Variants in RPH3A observed in about 807,000 individuals in gnomAD.
RPH3A encodes the protein rabphilin-3A.
RPH3A carries 48 observed loss-of-function variants against 102.2 expected under a neutral mutation model. The ratio of observed to expected loss-of-function variants is 0.47; its 90% CI spans 0.37 to 0.60. The LOEUF (loss-of-function observed/expected upper bound fraction) is 0.60, where lower values mean the gene tolerates loss of function less well. Among genes scored for constraint, RPH3A ranks in the 20% least tolerant of loss-of-function variants. The pLI is 0.00. For missense variants in RPH3A, 781 were observed against 910.1 expected (o/e 0.86, Z 1.83); for synonymous variants, 310 against 324.3 (o/e 0.96, Z 0.47).
At chr12:112,894,492 C>T in intron 19 of RPH3A, 86 bp from the exon 20 acceptor site, 1 of 1,133,204 alleles carries the variant, frequency 8.8e-7, no homozygotes, top group East Asian at 2.4e-5. Flanking sequence ...ATCAATTCAC[C>T]CTGATAAAGA....
At chr12:112,601,445 T>C (rs1235284182) in intron 1 of RPH3A, among the ~76,000 whole-genome samples, 1 of 152,212 alleles carries the variant, frequency 6.6e-6, no homozygotes, top group African/African-American at 2.4e-5. Flanking sequence ...AAAGTGGATT[T>C]GTACATTATA....
At chr12:112,759,097 A>G (rs780846328) in intron 1 of RPH3A, among the ~76,000 whole-genome samples, 2 of 152,216 alleles carry the variant, frequency 1.3e-5, no homozygotes, top group African/African-American at 2.4e-5. Context: ...TCAATTGAAC[A>G]CATGTGTGAT....
At chr12:112,832,575 C>T (rs1042262355) in intron 3 of RPH3A, among the ~76,000 whole-genome samples, 1 of 152,178 alleles carries the variant, frequency 6.6e-6, no homozygotes, top group African/African-American at 2.4e-5. Context: ...GGAACTGTGG[C>T]TCACACCTAT....
In RPH3A at chr12:112,802,843, G is replaced by T. The variant is rs182949668; in HGVS notation, c.-19+10580G>T. The stretch of plus-strand genomic sequence containing the variant: ...CCCCAGGGCCTCTGTCCTCTCCCCA[G>T]GGCCTCTGTCCTCTCCCCAGAGCCT... On this transcript the variant is annotated intron_variant, in intron 2 of 21. Transcript: ENST00000389385. Among the ~76,000 whole-genome samples, 730 of 152,186 alleles carry T rather than the reference G, an allele frequency of 4.8e-3. 3 individuals are homozygous for T. Among genetic ancestry groups the T allele is most frequent in the Non-Finnish European group, 7.5e-3 (509 of 67,998 alleles).
intron 4 of RPH3A, among the ~76,000 whole-genome samples, chr12:112,840,876 G>A (rs771923328): frequency 5.3e-5 from 8 of 152,086 alleles, no homozygotes; most frequent in South Asian, 2.1e-4. Context: ...ATTAGCCAGC[G>A]GTAGACAGGC....
intron 2 of RPH3A, among the ~76,000 whole-genome samples, chr12:112,816,682 G>A (rs1288511610): frequency 4.6e-5 from 7 of 151,060 alleles, no homozygotes; most frequent in Admixed American, 4.6e-4. Flanking sequence ...AATGACCCAC[G>A]CTTGAGAATT....
chr12:112,860,944 G>A (rs533510102), intron 5 of RPH3A, among the ~76,000 whole-genome samples: 5 of 152,270 alleles, frequency 3.3e-5, no homozygotes, highest in Admixed American at 1.3e-4. Context: ...ATAATTCTAT[G>A]GCATTGAAAG....
intron 2 of RPH3A, among the ~76,000 whole-genome samples, chr12:112,825,773 A>G (rs890007784): frequency 6.6e-6 from 1 of 152,200 alleles, no homozygotes; most frequent in Non-Finnish European, 1.5e-5. Flanking sequence ...TTCAAGCTCT[A>G]AGCAAAGACA....
At chr12:112,864,864 G>T (rs186868840) in intron 5 of RPH3A, among the ~76,000 whole-genome samples, 3 of 152,120 alleles carry the variant, frequency 2.0e-5, no homozygotes, top group Non-Finnish European at 4.4e-5. Flanking sequence ...CAAAGAATTC[G>T]GTTGGGTCAT....
intron 2 of RPH3A, among the ~76,000 whole-genome samples, chr12:112,817,309 A>C (rs2041692404): frequency 6.6e-6 from 1 of 151,572 alleles, no homozygotes. Context: ...GGGTCTTTCT[A>C]TTCCCAAAAT....
chr12:112,735,441 A>C (rs2040662496), intron 1 of RPH3A, among the ~76,000 whole-genome samples: 1 of 152,172 alleles, frequency 6.6e-6, no homozygotes, highest in African/African-American at 2.4e-5. Context: ...CCCTCATTAA[A>C]CCTAGCAGAA....
At position 112,897,370 on chromosome 12, in the gene RPH3A, C is replaced by G. The variant is rs2043198816; in HGVS notation, c.*590C>G. 1 of 152,052 alleles carries G rather than the reference C, an allele frequency of 6.6e-6. No individual in the cohort carries two copies. The highest frequency in any genetic ancestry group is 1.5e-5 in the Non-Finnish European group (1 of 68,232). The allele number at this position is 152,052 out of a possible 1,614,324, so 9.4% of individuals were successfully genotyped here. ...TCCCTGCTCCAAGTGCACCAGGATG[C>G]AAATGCACAGAATTCACCAGGGGCT... On this transcript the variant is annotated 3_prime_UTR_variant, in exon 22 of 22. Coordinates refer to ENST00000389385, the MANE Select transcript of RPH3A (RefSeq NM_001143854.2).
At chr12:112,653,194 C>T (rs1353368869) in intron 1 of RPH3A, among the ~76,000 whole-genome samples, 1 of 151,894 alleles carries the variant, frequency 6.6e-6, no homozygotes, top group East Asian at 1.9e-4. Flanking sequence ...AGTTCGAGAC[C>T]AGCCTGGTCA....
intron 1 of RPH3A, among the ~76,000 whole-genome samples, chr12:112,575,506 G>T (rs1250227448): frequency 6.6e-6 from 1 of 152,074 alleles, no homozygotes; most frequent in African/African-American, 2.4e-5. Flanking sequence ...ACTTGGGGGC[G>T]GGGAGACCCG....
At chr12:112,861,512 G>A (rs182598653) in intron 5 of RPH3A, among the ~76,000 whole-genome samples, 17 of 152,320 alleles carry the variant, frequency 1.1e-4, no homozygotes, top group African/African-American at 3.8e-4. Flanking sequence ...GGCTGTACAT[G>A]GCACGTGGCT....
intron 1 of RPH3A, among the ~76,000 whole-genome samples, chr12:112,770,378 C>G (rs546502075): frequency 6.6e-6 from 1 of 151,986 alleles, no homozygotes; most frequent in South Asian, 2.1e-4. Flanking sequence ...CAGGTTTTGG[C>G]TCTGTCACTC....
In RPH3A at chr12:112,682,585, G is replaced by T. The variant is rs575954641; in HGVS notation, c.-140+107266G>T. ...TGGTCCATGGGTATCTTTCTTTCTT[G>T]GGGGGGATTCAGGATCCCAGGCTCC... On this transcript the variant is annotated intron_variant, in intron 1 of 21. Coordinates refer to the RPH3A transcript ENST00000543106. Among the ~76,000 whole-genome samples the T allele has an allele frequency of 2.4e-4, 36 of 152,008 alleles. No homozygotes were observed. The South Asian group carries it at 7.3e-3, about 31-fold the overall frequency.
intron 1 of RPH3A, among the ~76,000 whole-genome samples, chr12:112,644,330 G>T (rs148869753): frequency 4.4e-4 from 67 of 152,330 alleles, no homozygotes; most frequent in African/African-American, 1.6e-3. Flanking sequence ...GAGCCTGTTT[G>T]CACTGTGGGT....
chr12:112,755,442 C>A (rs545929442), intron 1 of RPH3A, among the ~76,000 whole-genome samples: 10 of 152,148 alleles, frequency 6.6e-5, no homozygotes, highest in African/African-American at 9.7e-5. Flanking sequence ...TACAGGCACA[C>A]CCTTAACAGA....
Sources: allele counts gnomAD v4.1 joint callset (sites outside exome capture counted in the v4.1 genomes callset), GRCh38; gene constraint gnomAD v4.1.1; transcripts MANE v1.5; gene names NCBI Gene and HGNC (gene_info 2026-07-23, HGNC 2026-07-21).